Variants in POU3F3 observed in about 807,000 individuals in gnomAD.
POU3F3 encodes the protein POU domain, class 3, transcription factor 3.
A neutral mutation model predicts 8.6 loss-of-function variants in POU3F3; 1 was observed. The observed-to-expected ratio is 0.12, with a 90% CI of 0.04 to 0.55. The LOEUF is 0.55. POU3F3 is among the 20% of genes least tolerant of loss of function. POU3F3 has a pLI of 0.91. For synonymous variants in POU3F3, 418 were observed against 327.4 expected (o/e 1.28, Z -2.99); for missense variants, 577 against 690.7 (o/e 0.84, Z 1.84).
the POU3F3 span, among the ~76,000 whole-genome samples, chr2:104,920,545 G>A: frequency 6.6e-6 from 1 of 152,106 alleles, no homozygotes; most frequent in African/African-American, 2.4e-5. Context: ...CTAAGATGTG[G>A]TCAGTATGTG....
At position 104,855,760 on chromosome 2, in the gene POU3F3, G is replaced by T. The variant is rs1015843434; in HGVS notation, c.250G>T (p.Ala84Ser). The T allele has an allele frequency of 1.5e-6, 2 of 1,308,980 alleles. No individual in the cohort carries two copies. Among genetic ancestry groups the T allele is most frequent in the East Asian group, 4.8e-5 (1 of 20,788 alleles). 81.1% of individuals were successfully genotyped at this position (1,308,980 alleles called of 1,614,324 possible). Reference protein sequence around the residue: ...QSDFMQGAMAASNGGHMLSHA... With the variant: ...QSDFMQGAMASSNGGHMLSHA... Reference sequence around the variant, plus strand: ...CGACTTCATGCAGGGGGCCATGGCCGCCAGCAACGGCGGCCATATGCTGAG... The same window carrying T: ...CGACTTCATGCAGGGGGCCATGGCCTCCAGCAACGGCGGCCATATGCTGAG... The change falls in exon 1 of 1, where the codon GCC becomes TCC. Residue 84 changes from alanine to serine, a missense_variant. By Grantham distance (99) the Ala-to-Ser change is moderately conservative. This residue lies in a region of POU3F3 where 484 missense variants were observed against 422.6 expected (regional missense o/e 1.15). Coordinates refer to ENST00000361360, the MANE Select transcript of POU3F3 (RefSeq NM_006236.3).
At chr2:104,902,088 T>C in the POU3F3 span, among the ~76,000 whole-genome samples, 4 of 152,016 alleles carry the variant, frequency 2.6e-5, no homozygotes, top group Admixed American at 2.6e-4. Context: ...CTTTCTCTCC[T>C]CCAACCTCCC....
the POU3F3 span, among the ~76,000 whole-genome samples, chr2:104,897,696 G>T: frequency 6.6e-6 from 1 of 152,236 alleles, no homozygotes; most frequent in African/African-American, 2.4e-5. Flanking sequence ...CGATGACTCA[G>T]AAGTCGATCT....
At chr2:104,891,565 A>G in the POU3F3 span, among the ~76,000 whole-genome samples, 3 of 152,180 alleles carry the variant, frequency 2.0e-5, no homozygotes, top group Non-Finnish European at 4.4e-5. Flanking sequence ...AAAATGTGAT[A>G]GAAGGGTTTG....
chr2:104,917,507 G>C, the POU3F3 span, among the ~76,000 whole-genome samples: 2 of 152,046 alleles, frequency 1.3e-5, no homozygotes, highest in Non-Finnish European at 2.9e-5. Flanking sequence ...GAAGGTAACA[G>C]GTTCTTCTGA....
chr2:104,917,815 C>T, the POU3F3 span, among the ~76,000 whole-genome samples: 4 of 152,104 alleles, frequency 2.6e-5, no homozygotes, highest in African/African-American at 9.7e-5. Flanking sequence ...TGGGGGGTTG[C>T]CCTTTTCCTC....
chr2:104,900,310 C>T, the POU3F3 span, among the ~76,000 whole-genome samples: 6 of 152,132 alleles, frequency 3.9e-5, no homozygotes. Flanking sequence ...GTGAGGGCGT[C>T]CTTCCACTGC....
the POU3F3 span, among the ~76,000 whole-genome samples, chr2:104,880,629 G>T: frequency 6.6e-6 from 1 of 152,136 alleles, no homozygotes. Context: ...TTGCCTTTCC[G>T]GGCCAATGGA....
At chr2:104,917,199 T>C in the POU3F3 span, among the ~76,000 whole-genome samples, 1 of 152,228 alleles carries the variant, frequency 6.6e-6, no homozygotes, top group Non-Finnish European at 1.5e-5. Context: ...GTGGGACTTT[T>C]CAGCCTCCAT....
chr2:104,865,605 A>G, the POU3F3 span: 1 of 152,186 alleles, frequency 6.6e-6, no homozygotes, highest in Non-Finnish European at 1.5e-5. Flanking sequence ...AGTCGGCTGG[A>G]ACATTGCACA....
At chr2:104,913,233 C>A in the POU3F3 span, among the ~76,000 whole-genome samples, 437 of 151,908 alleles carry the variant, frequency 2.9e-3, 3 homozygotes, top group African/African-American at 0.01. Context: ...TGGCTTCTTG[C>A]AGTAACACAC....
chr2:104,888,099 T>C, the POU3F3 span, among the ~76,000 whole-genome samples: 1 of 152,212 alleles, frequency 6.6e-6, no homozygotes, highest in African/African-American at 2.4e-5. Flanking sequence ...TCAGATATAA[T>C]GCGCCTGTAG....
At chr2:104,911,530 C>T in the POU3F3 span, among the ~76,000 whole-genome samples, 1 of 150,984 alleles carries the variant, frequency 6.6e-6, no homozygotes, top group African/African-American at 2.4e-5. Flanking sequence ...CAGAGTGGAA[C>T]ATAAGAGAAG....
the POU3F3 span, among the ~76,000 whole-genome samples, chr2:104,892,176 A>T: frequency 6.6e-6 from 1 of 152,140 alleles, no homozygotes; most frequent in Non-Finnish European, 1.5e-5. Flanking sequence ...AAGTGACAGG[A>T]TGGGACAGAG....
the POU3F3 span, among the ~76,000 whole-genome samples, chr2:104,921,750 C>A: frequency 1.3e-5 from 2 of 152,212 alleles, no homozygotes. Flanking sequence ...GTAATCCCAG[C>A]ACTCTGGGAA....
chr2:104,875,516 TTTC>T, the POU3F3 span, among the ~76,000 whole-genome samples: 1 of 152,234 alleles, frequency 6.6e-6, no homozygotes, highest in Non-Finnish European at 1.5e-5. Context: ...TTATTTTTTG[TTTC>T]TTTAGTAACA....
At chr2:104,880,904 G>A in the POU3F3 span, among the ~76,000 whole-genome samples, 1 of 152,132 alleles carries the variant, frequency 6.6e-6, no homozygotes, top group East Asian at 1.9e-4. Context: ...TGTACCCCTA[G>A]GCAGAGGTTG....
the POU3F3 span, among the ~76,000 whole-genome samples, chr2:104,892,119 G>T: frequency 6.6e-6 from 1 of 152,176 alleles, no homozygotes; most frequent in Admixed American, 6.5e-5. Context: ...TGAGCAGGAT[G>T]CCCTGAGCCT....
At chr2:104,919,726 C>T in the POU3F3 span, among the ~76,000 whole-genome samples, 2 of 152,102 alleles carry the variant, frequency 1.3e-5, no homozygotes, top group Non-Finnish European at 2.9e-5. Context: ...ACTGGACTAC[C>T]ATTTACCCTC....
Sources: gnomAD v4.1 joint callset for allele counts (sites outside exome capture counted in the v4.1 genomes callset) on GRCh38, gnomAD v4.1.1 for gene constraint, gnomAD v4.1.1 regional missense constraint, MANE v1.5 for transcripts, NCBI Gene and HGNC (gene_info 2026-07-23, HGNC 2026-07-21) for gene names.